Variants in DSCAM observed in about 807,000 individuals in gnomAD.
DSCAM encodes the protein cell adhesion molecule DSCAM.
DSCAM carries 47 observed loss-of-function variants against 217.7 expected under a neutral mutation model. The observed-to-expected ratio is 0.22, with a 90% confidence interval of 0.17 to 0.28. DSCAM has a LOEUF of 0.28. DSCAM is among the 10% of genes least tolerant of loss of function. The pLI is 1.00. For synonymous variants in DSCAM, 1,056 were observed against 1,015.3 expected (o/e 1.04, Z -0.76); for missense variants, 2,080 against 2,618.3 (o/e 0.79, Z 4.49).
intron 3 of DSCAM, among the ~76,000 whole-genome samples, chr21:40,652,110 A>T (rs566358074): frequency 1.5e-4 from 22 of 150,874 alleles, no homozygotes; most frequent in African/African-American, 4.4e-4. Context: ...TGGTGAGAAC[A>T]CATGGACACA....
At chr21:40,845,330 G>C (rs1431815245) in intron 1 of DSCAM, among the ~76,000 whole-genome samples, 5 of 151,870 alleles carry the variant, frequency 3.3e-5, no homozygotes, top group African/African-American at 1.2e-4. Flanking sequence ...TTAAAAAATT[G>C]ACAATGCTCA....
chr21:40,462,955 C>A (rs2075817745), intron 3 of DSCAM, among the ~76,000 whole-genome samples: 1 of 152,090 alleles, frequency 6.6e-6, no homozygotes, highest in South Asian at 2.1e-4. Flanking sequence ...TATTTTTATT[C>A]CATATAGTTC....
intron 9 of DSCAM, among the ~76,000 whole-genome samples, chr21:40,303,249 C>T (rs2074036268): frequency 6.6e-6 from 1 of 152,284 alleles, no homozygotes; most frequent in East Asian, 1.9e-4. Context: ...CTCTGCCTTA[C>T]ACTTTCTGTC....
intron 2 of DSCAM, among the ~76,000 whole-genome samples, chr21:40,698,883 A>AG (rs1401088628): frequency 6.6e-6 from 1 of 150,432 alleles, no homozygotes; most frequent in Non-Finnish European, 1.5e-5. Flanking sequence ...AAAAAAAAAA[A>AG]AAAAAAAAAA....
At chr21:40,522,663 G>T (rs2076368262) in intron 3 of DSCAM, among the ~76,000 whole-genome samples, 1 of 152,156 alleles carries the variant, frequency 6.6e-6, no homozygotes, top group African/African-American at 2.4e-5. Flanking sequence ...TCAGCTGATA[G>T]GTGTGATCGT....
At chr21:40,721,347 G>C (rs1857706713) in intron 1 of DSCAM, among the ~76,000 whole-genome samples, 1 of 152,158 alleles carries the variant, frequency 6.6e-6, no homozygotes, top group Non-Finnish European at 1.5e-5. Flanking sequence ...ACACATAAAT[G>C]AGAGATGATA....
intron 1 of DSCAM, among the ~76,000 whole-genome samples, chr21:40,831,024 G>A (rs1213759512): frequency 6.6e-6 from 1 of 152,214 alleles, no homozygotes; most frequent in Non-Finnish European, 1.5e-5. Context: ...CCCAGATGGT[G>A]ACTTCATTAG....
chr21:40,102,977 A>T (rs1457339011), intron 20 of DSCAM, among the ~76,000 whole-genome samples: 3 of 152,206 alleles, frequency 2.0e-5, no homozygotes, highest in Non-Finnish European at 1.5e-5. Flanking sequence ...CTCTGCAGGG[A>T]ACCTGGTTCA....
Position 40,160,834 on chromosome 21 carries a change from T to G in DSCAM, c.3018+6384A>C, listed in dbSNP as rs116052558. Among the ~76,000 whole-genome samples, 1,292 of 152,314 alleles carry G rather than the reference T, an allele frequency of 8.5e-3. 23 individuals carry two copies. Among genetic ancestry groups the G allele is most frequent in the African/African-American group, 0.03 (1,246 of 41,570 alleles). On this transcript the variant is annotated intron_variant, in intron 16 of 32. Coordinates refer to ENST00000400454, the MANE Select transcript of DSCAM (RefSeq NM_001389.5). ...GTGCCTACACTTAGATTTTTTGTGTTCATCCAGACTCAACGTGAAACTCTT... is the reference window on the plus strand; with the variant it reads ...GTGCCTACACTTAGATTTTTTGTGTGCATCCAGACTCAACGTGAAACTCTT...
At position 40,353,490 on chromosome 21, in the gene DSCAM, C is replaced by A. The variant is rs1406423365; in HGVS notation, c.909G>T (p.Lys303Asn). 6.2e-7 allele frequency: 1 copy of A among 1,610,438 alleles called. No individual in the cohort carries two copies. Among genetic ancestry groups the A allele is most frequent in the East Asian group, 2.2e-5 (1 of 44,750 alleles). Reference sequence around the variant, plus strand: ...GTTTCACGTACAGGCGGCCTATCACCTTAGCAGTTCCGTATCTGTTGGACA... The same window carrying A: ...GTTTCACGTACAGGCGGCCTATCACATTAGCAGTTCCGTATCTGTTGGACA... The part of the protein sequence containing the change: ...CEVSNRYGTA[K>N]VIGRLYVKQP... Residue 303 changes from lysine (K) to asparagine (N), a missense_variant, in exon 5 of 33, where the codon AAG becomes AAT. Lys to Asn is a moderately conservative substitution (Grantham distance 94). Transcript: ENST00000400454.
chr21:40,233,094 G>C (rs9975575), intron 11 of DSCAM, among the ~76,000 whole-genome samples: 70,921 of 151,876 alleles, frequency 0.47, 17,146 homozygotes, highest in African/African-American at 0.59. Flanking sequence ...TATTATCTGG[G>C]TGATGAAGTA....
chr21:40,057,086 C>T (rs1339509522), intron 28 of DSCAM, among the ~76,000 whole-genome samples: 1 of 152,114 alleles, frequency 6.6e-6, no homozygotes, highest in Non-Finnish European at 1.5e-5. Context: ...GCAAATTATC[C>T]CATGAAAAAG....
intron 3 of DSCAM, among the ~76,000 whole-genome samples, chr21:40,691,229 T>C (rs1426140323): frequency 6.6e-6 from 1 of 152,214 alleles, no homozygotes; most frequent in Admixed American, 6.5e-5. Flanking sequence ...AGAGATAACA[T>C]GTGTCACCTC....
At chr21:40,824,488 C>T (rs1052674664) in intron 1 of DSCAM, among the ~76,000 whole-genome samples, 1 of 147,928 alleles carries the variant, frequency 6.8e-6, no homozygotes, top group Non-Finnish European at 1.5e-5. Flanking sequence ...TGGTTTTCTG[C>T]AACCTCAACC....
chr21:40,154,189 CTTCCTTCCTTCCTCCCTTCCT>C (rs373056562), intron 16 of DSCAM, among the ~76,000 whole-genome samples: 16 of 146,878 alleles, frequency 1.1e-4, no homozygotes, highest in East Asian at 5.9e-4. Flanking sequence ...TTCTTCCTTC[CTTCCTTCCTTCCTCCCTTCCT>C]TTCCTTCCTT....
intron 8 of DSCAM, among the ~76,000 whole-genome samples, chr21:40,317,321 A>G (rs1183321166): frequency 2.0e-5 from 3 of 152,244 alleles, no homozygotes; most frequent in African/African-American, 7.2e-5. Context: ...TGTACATACA[A>G]CACAAGTAAG....
intron 8 of DSCAM, among the ~76,000 whole-genome samples, chr21:40,335,175 G>A (rs984252457): frequency 4.6e-5 from 7 of 152,050 alleles, no homozygotes; most frequent in East Asian, 3.9e-4. Flanking sequence ...AGCTTTTCCC[G>A]ACTATTCTGA....
At chr21:40,834,332 G>A (rs548594764) in intron 1 of DSCAM, among the ~76,000 whole-genome samples, 5 of 151,028 alleles carry the variant, frequency 3.3e-5, no homozygotes, top group Admixed American at 6.6e-5. Context: ...GCATGAACCC[G>A]GGAGGCTGAG....
At chr21:40,256,774 T>C (rs2073378142) in intron 11 of DSCAM, among the ~76,000 whole-genome samples, 1 of 152,206 alleles carries the variant, frequency 6.6e-6, no homozygotes, top group African/African-American at 2.4e-5. Context: ...TGACCAAGCA[T>C]CTGAGTACCA....
Sources: gnomAD v4.1 joint callset for allele counts (sites outside exome capture counted in the v4.1 genomes callset) on GRCh38, gnomAD v4.1.1 for gene constraint, MANE v1.5 for transcripts, NCBI Gene and HGNC (gene_info 2026-07-23, HGNC 2026-07-21) for gene names.